TENM2: variants seen among roughly 807,000 people sequenced by gnomAD.
The protein encoded by TENM2 is teneurin-2.
Under a neutral mutation model 245.2 loss-of-function variants are expected in TENM2, and 52 were observed. The observed-to-expected ratio is 0.21, with a 90% CI of 0.17 to 0.27. The LOEUF is 0.27. TENM2 is among the 10% of genes least tolerant of loss of function. TENM2 has a pLI of 1.00. For synonymous variants in TENM2, 1,363 were observed against 1,438.9 expected, an observed-to-expected ratio of 0.95 and a Z score of 1.19; for missense variants, 3,046 against 3,666.8, an observed-to-expected ratio of 0.83 and a Z score of 4.37.
intron 7 of TENM2, among the ~76,000 whole-genome samples, chr5:168,068,437 A>G (rs963076413): frequency 6.6e-6 from 1 of 152,228 alleles, no homozygotes; most frequent in Non-Finnish European, 1.5e-5. Context: ...AACCCTGTAT[A>G]TAAAAAGACG....
At chr5:167,218,448 A>C in the TENM2 span, among the ~76,000 whole-genome samples, 2 of 152,078 alleles carry the variant, frequency 1.3e-5, no homozygotes, top group East Asian at 1.9e-4. Context: ...TTGTGTTTTC[A>C]TAAGGGCTTT....
chr5:168,116,076 T>C (rs111598609), intron 9 of TENM2, among the ~76,000 whole-genome samples: 3,116 of 152,252 alleles, frequency 0.02, 108 homozygotes, highest in African/African-American at 0.071. Context: ...TACTTCATAT[T>C]TGCATGTTCC....
At chr5:167,270,670 G>T in the TENM2 span, among the ~76,000 whole-genome samples, 353 of 152,256 alleles carry the variant, frequency 2.3e-3, 1 homozygote, top group African/African-American at 7.9e-3. Flanking sequence ...TGAGGCAACT[G>T]CATTGGATTG....
intron 2 of TENM2, among the ~76,000 whole-genome samples, chr5:167,415,686 G>A (rs1351293959): frequency 6.6e-6 from 1 of 151,812 alleles, no homozygotes; most frequent in Non-Finnish European, 1.5e-5. Context: ...AAAAAGTACT[G>A]ATTTTGAAAA....
At chr5:168,224,665 C>T (rs1043098071) in intron 23 of TENM2, among the ~76,000 whole-genome samples, 2 of 152,146 alleles carry the variant, frequency 1.3e-5, no homozygotes, top group African/African-American at 2.4e-5. Context: ...TGCACAAGCT[C>T]CAGTTCCCAT....
intron 2 of TENM2, among the ~76,000 whole-genome samples, chr5:167,545,952 T>C (rs1772536399): frequency 6.6e-6 from 1 of 152,230 alleles, no homozygotes; most frequent in African/African-American, 2.4e-5. Flanking sequence ...AGTTTAGTAA[T>C]AATGATTTGC....
chr5:167,409,247 T>C (rs78416320), intron 2 of TENM2, among the ~76,000 whole-genome samples: 5,774 of 151,994 alleles, frequency 0.038, 226 homozygotes, highest in African/African-American at 0.098. Flanking sequence ...GGAGTAATAG[T>C]TGTGTGCAGT....
intron 2 of TENM2, among the ~76,000 whole-genome samples, chr5:167,680,863 T>C (rs984928332): frequency 2.0e-5 from 3 of 152,200 alleles, no homozygotes; most frequent in Non-Finnish European, 4.4e-5. Flanking sequence ...AACTCACTGC[T>C]TAACACATTT....
the TENM2 span, among the ~76,000 whole-genome samples, chr5:167,215,161 C>G: frequency 6.6e-6 from 1 of 152,160 alleles, no homozygotes; most frequent in Non-Finnish European, 1.5e-5. Flanking sequence ...CCTGCTAAAG[C>G]TAGGCGAGCT....
At chr5:168,021,775 C>A (rs1411794423) in intron 5 of TENM2, among the ~76,000 whole-genome samples, 1 of 143,426 alleles carries the variant, frequency 7.0e-6, no homozygotes, top group Non-Finnish European at 1.5e-5. Flanking sequence ...TATTTGAAAT[C>A]TTTTTTTTTT....
At chr5:167,577,326 G>A (rs903792293) in intron 2 of TENM2, among the ~76,000 whole-genome samples, 2 of 152,158 alleles carry the variant, frequency 1.3e-5, no homozygotes, top group Admixed American at 6.5e-5. Flanking sequence ...GAGAGCTTTC[G>A]GTTTTCTTAC....
the TENM2 span, among the ~76,000 whole-genome samples, chr5:167,029,038 T>C: frequency 6.6e-6 from 1 of 152,234 alleles, no homozygotes; most frequent in South Asian, 2.1e-4. Flanking sequence ...AACTTCTTAA[T>C]AGCAAGACAT....
intron 2 of TENM2, among the ~76,000 whole-genome samples, chr5:167,809,736 A>C (rs1583065947): frequency 6.6e-6 from 1 of 152,122 alleles, no homozygotes. Flanking sequence ...TGTTAGGGGA[A>C]GATTTTGGGG....
chr5:167,152,546 T>G, the TENM2 span, among the ~76,000 whole-genome samples: 1 of 152,208 alleles, frequency 6.6e-6, no homozygotes, highest in East Asian at 1.9e-4. Context: ...TCCTCTTACC[T>G]GTAGTCCAGG....
At chr5:167,461,533 C>T (rs1324039696) in intron 2 of TENM2, among the ~76,000 whole-genome samples, 2 of 152,108 alleles carry the variant, frequency 1.3e-5, no homozygotes, top group Non-Finnish European at 2.9e-5. Context: ...TACCTCCCGG[C>T]AGTCTTTCAT....
At chr5:167,053,478 AC>A in the TENM2 span, among the ~76,000 whole-genome samples, 1 of 152,178 alleles carries the variant, frequency 6.6e-6, no homozygotes, top group African/African-American at 2.4e-5. Context: ...GCCTCTGAAT[AC>A]ATTTTACTTA....
intron 9 of TENM2, among the ~76,000 whole-genome samples, chr5:168,103,093 C>T (rs561835193): frequency 6.7e-6 from 1 of 149,640 alleles, no homozygotes; most frequent in Admixed American, 6.7e-5. Flanking sequence ...CATGTGTTCT[C>T]ATTGTTCAAT....
chr5:168,125,059 C>G lies in TENM2; in HGVS notation c.2209+9C>G, dbSNP rs1220304396. On this transcript the variant is annotated intron_variant, in intron 11 of 28. Coordinates refer to ENST00000518659, the Ensembl canonical transcript of TENM2. ...TCCCGACTGCTCTGTTGGTAAGCCACAAGGTTTTCTCCTTCCTCTCTCCAA... is the reference window on the plus strand; with the variant it reads ...TCCCGACTGCTCTGTTGGTAAGCCAGAAGGTTTTCTCCTTCCTCTCTCCAA... The G allele has an allele frequency of 6.2e-7, 1 of 1,600,408 alleles. No homozygotes were observed. The highest frequency in any genetic ancestry group is 8.5e-7 in the Non-Finnish European group (1 of 1,173,948).
At chr5:167,088,850 C>A in the TENM2 span, among the ~76,000 whole-genome samples, 1 of 152,192 alleles carries the variant, frequency 6.6e-6, no homozygotes, top group African/African-American at 2.4e-5. Flanking sequence ...AGTTTACCAT[C>A]GATAAAAGTG....
Sources: allele counts gnomAD v4.1 joint callset (sites outside exome capture counted in the v4.1 genomes callset), GRCh38; gene constraint gnomAD v4.1.1; transcripts MANE v1.5; gene names NCBI Gene and HGNC (gene_info 2026-07-23, HGNC 2026-07-21).